TNRC6B: variants seen among roughly 807,000 people sequenced by gnomAD.
TNRC6B encodes the protein trinucleotide repeat-containing gene 6B protein.
A neutral mutation model predicts 203.6 loss-of-function variants in TNRC6B; 52 were observed. The observed-to-expected ratio is 0.26, with a 90% confidence interval of 0.20 to 0.32. The LOEUF (loss-of-function observed/expected upper bound fraction) is 0.32. Ranked by LOEUF, TNRC6B falls within the 10% of genes least tolerant of loss-of-function variation. The pLI is 1.00. For synonymous variants in TNRC6B, 838 were observed against 845.7 expected, an observed-to-expected ratio of 0.99 and a Z score of 0.16; for missense variants, 1,923 against 2,286.2, an observed-to-expected ratio of 0.84 and a Z score of 3.24.
chr22:40,167,418 G>C (rs962104874), intron 4 of TNRC6B, among the ~76,000 whole-genome samples: 1 of 152,100 alleles, frequency 6.6e-6, no homozygotes, highest in Admixed American at 6.6e-5. Context: ...GTTGCCAGGG[G>C]CTGAGGAAAG....
chr22:40,122,240 C>G (rs920561915), intron 2 of TNRC6B, among the ~76,000 whole-genome samples: 1 of 152,026 alleles, frequency 6.6e-6, no homozygotes, highest in Non-Finnish European at 1.5e-5. Context: ...TTTTTCCCTC[C>G]TTTTTAAAAG....
At chr22:40,106,850 G>T in intron 1 of TNRC6B, 2 of 1,135,628 alleles carry the variant, frequency 1.8e-6, no homozygotes, top group Non-Finnish European at 2.6e-6. Context: ...TGCCACCCTC[G>T]CCATTCGAAT....
chr22:40,263,758 C>T (rs1392829305), intron 4 of TNRC6B, among the ~76,000 whole-genome samples: 2 of 152,210 alleles, frequency 1.3e-5, no homozygotes, highest in South Asian at 2.1e-4. Flanking sequence ...GGGTTGTGAA[C>T]TCTGCCTAAT....
At chr22:40,194,855 C>T (rs1294609498) in intron 1 of TNRC6B, among the ~76,000 whole-genome samples, 2 of 152,252 alleles carry the variant, frequency 1.3e-5, no homozygotes, top group African/African-American at 2.4e-5. Context: ...TAAAAGGAGG[C>T]GAACTGGTGT....
intron 3 of TNRC6B, among the ~76,000 whole-genome samples, chr22:40,140,863 A>G (rs1178205561): frequency 6.6e-6 from 1 of 150,916 alleles, no homozygotes; most frequent in East Asian, 2.0e-4. Context: ...CTGGTCTCAA[A>G]CTCCTGACCT....
chr22:40,242,861 ATTTATTTTAT>A (rs531549707), intron 1 of TNRC6B, among the ~76,000 whole-genome samples: 3 of 151,064 alleles, frequency 2.0e-5, no homozygotes, highest in Admixed American at 2.0e-4. Flanking sequence ...CAGAACAGGG[ATTTATTTTAT>A]TTTATTTTAC....
rs1466716371 is a variant in TNRC6B at position 40,281,252 on chromosome 22, G to A, written c.3545G>A (p.Gly1182Asp). 6.5e-7 allele frequency: 1 copy of A among 1,548,936 alleles called. No individual in the cohort carries two copies. The highest frequency in any genetic ancestry group is 8.7e-7 in the Non-Finnish European group (1 of 1,145,696). The part of the protein sequence containing the change: ...TLPNVSLGAI[G>D]TGLNPQNFAA... ...CCCAACGTCAGCCTTGGAGCAATCG[G>A]CACAGGGCTCAACCCCCAAAACTTC... Residue 1182 changes from glycine (G) to aspartate (D), a missense_variant, in exon 11 of 23, where the codon GGC becomes GAC. Coordinates refer to ENST00000454349, the MANE Select transcript of TNRC6B (RefSeq NM_001162501.2).
chr22:40,245,711 CGTGTGT>C (rs66501173), intron 1 of TNRC6B, among the ~76,000 whole-genome samples: 2 of 151,004 alleles, frequency 1.3e-5, no homozygotes, highest in Non-Finnish European at 1.5e-5. Context: ...GGAAATTAAT[CGTGTGT>C]GTGTGTGTGT....
At chr22:40,280,304 G>A (rs2070706755) in intron 10 of TNRC6B, among the ~76,000 whole-genome samples, 161 bp downstream of exon 10, 1 of 152,232 alleles carries the variant, frequency 6.6e-6, no homozygotes, top group African/African-American at 2.4e-5. Flanking sequence ...AACCATTGAT[G>A]TCAACAGGTG....
chr22:40,051,025 A>G (rs767596742), intron 1 of TNRC6B, among the ~76,000 whole-genome samples: 4 of 151,868 alleles, frequency 2.6e-5, no homozygotes, highest in Non-Finnish European at 5.9e-5. Flanking sequence ...GGGTTTCACC[A>G]TATTAGCCAG....
intron 1 of TNRC6B, among the ~76,000 whole-genome samples, chr22:40,085,992 C>T (rs1186965425): frequency 6.6e-6 from 1 of 151,884 alleles, no homozygotes; most frequent in Non-Finnish European, 1.5e-5. Flanking sequence ...CACCTCAGCC[C>T]CTCTAGTAGC....
chr22:40,055,228 T>C (rs2146266133), intron 1 of TNRC6B, among the ~76,000 whole-genome samples: 1 of 152,044 alleles, frequency 6.6e-6, no homozygotes, highest in East Asian at 1.9e-4. Context: ...TGCCATTTAG[T>C]GTAATAAGTG....
intron 5 of TNRC6B, 60 bp from the exon 6 acceptor site, chr22:40,270,062 C>G: frequency 6.6e-7 from 1 of 1,523,778 alleles, no homozygotes; most frequent in Non-Finnish European, 8.9e-7. Context: ...CTTCACCCCA[C>G]TGGATATTAT....
chr22:40,248,093 C>T (rs947197032), intron 2 of TNRC6B, among the ~76,000 whole-genome samples: 1 of 150,458 alleles, frequency 6.6e-6, no homozygotes, highest in Non-Finnish European at 1.5e-5. Flanking sequence ...AAAAAAAAAA[C>T]CATAGAAGTC....
rs984165093 is a variant in TNRC6B at position 40,330,157 on chromosome 22, C to G, written c.*6916C>G. The G allele has an allele frequency of 6.6e-6, 1 of 152,174 alleles. No individual in the cohort carries two copies. The highest frequency in any genetic ancestry group is 2.4e-5 in the African/African-American group (1 of 41,448). 9.4% of individuals were successfully genotyped at this position (152,174 alleles called of 1,614,324 possible). On this transcript the variant is annotated 3_prime_UTR_variant, in exon 23 of 23. Coordinates refer to ENST00000454349, the MANE Select transcript of TNRC6B (RefSeq NM_001162501.2). ...CAATTATAATTGACCCATATCTAGC[C>G]AATATCAACAAGTTGGGATGGTTTT...
intron 3 of TNRC6B, among the ~76,000 whole-genome samples, chr22:40,139,492 C>G (rs1001329903): frequency 1.3e-5 from 2 of 152,030 alleles, no homozygotes; most frequent in African/African-American, 4.8e-5. Flanking sequence ...CTGCCATGCC[C>G]AGCTAATTTT....
chr22:40,301,373 A>G (rs5995843), intron 15 of TNRC6B, 40 bp downstream of exon 15: 553,233 of 1,578,266 alleles, frequency 0.35, 100,403 homozygotes, highest in Admixed American at 0.52. Context: ...TTAGAAATCT[A>G]CCTCTCTAGG....
chr22:40,152,528 CCA>C (rs2068767856), intron 3 of TNRC6B, among the ~76,000 whole-genome samples: 1 of 152,136 alleles, frequency 6.6e-6, no homozygotes, highest in Admixed American at 6.5e-5. Flanking sequence ...CGGGGTTTCA[CCA>C]TGTTAGCCAG....
intron 1 of TNRC6B, among the ~76,000 whole-genome samples, chr22:40,080,231 C>A (rs1238795733): frequency 6.6e-6 from 1 of 151,114 alleles, no homozygotes; most frequent in Non-Finnish European, 1.5e-5. Context: ...GCATGAGCTA[C>A]CATGCCCAGC....
Sources: gnomAD v4.1 joint callset for allele counts (sites outside exome capture counted in the v4.1 genomes callset) on GRCh38, gnomAD v4.1.1 for gene constraint, MANE v1.5 for transcripts, NCBI Gene and HGNC (gene_info 2026-07-23, HGNC 2026-07-21) for gene names.